Variants in AKAP13 observed in about 807,000 individuals in gnomAD.
AKAP13 encodes A-kinase anchoring protein 13, also known as A-kinase anchor protein 13.
AKAP13 carries 80 observed loss-of-function variants against 264.5 expected under a neutral mutation model. That is an observed-to-expected ratio of 0.30 (90% CI 0.25 to 0.36). The LOEUF (loss-of-function observed/expected upper bound fraction) is 0.36, where lower values mean the gene tolerates loss of function less well. Ranked by LOEUF, AKAP13 falls within the 10% of genes least tolerant of loss-of-function variation. The pLI is 1.00. For missense variants in AKAP13, 3,712 were observed against 3,435.2 expected (o/e 1.08, Z -2.01); for synonymous variants, 1,380 against 1,250.2 (o/e 1.10, Z -2.19).
chr15:85,722,035 G>T lies in AKAP13; in HGVS notation c.6297G>T (p.Lys2099Asn), dbSNP rs1219082277. 9.3e-6 allele frequency: 15 copies of T among 1,614,026 alleles called. No individual in the cohort carries two copies. The highest frequency in any genetic ancestry group is 1.3e-5 in the Non-Finnish European group (15 of 1,179,966). ...NAERLKKTYG[K>N]FCGQHNQSVN... Reference sequence around the variant, plus strand: ...AACGTTTAAAGAAGACATATGGCAAGTTTTGTGGGCAACATAACCAGTCTG... The same window carrying T: ...AACGTTTAAAGAAGACATATGGCAATTTTTGTGGGCAACATAACCAGTCTG... Residue 2099 changes from lysine to asparagine, a missense_variant, in exon 24 of 37, where the codon AAG (lysine) becomes AAT (asparagine). By Grantham distance (94) the Lys-to-Asn change is moderately conservative. Transcript: ENST00000394518.
At chr15:85,638,910 C>G (rs1482190975) in intron 8 of AKAP13, among the ~76,000 whole-genome samples, 1 of 152,098 alleles carries the variant, frequency 6.6e-6, no homozygotes, top group Admixed American at 6.5e-5. Context: ...GCGTGCACCA[C>G]CACCATGCCT....
rs766923904 is a variant in AKAP13 at position 85,581,918 on chromosome 15, G to A, written c.3850G>A (p.Glu1284Lys). 2 of 1,614,204 alleles carry A rather than the reference G, an allele frequency of 1.2e-6. No homozygotes were observed. The highest frequency in any genetic ancestry group is 3.3e-5 in the Admixed American group (2 of 60,022). ...CTGTCACATGTCACTGTCCAGCCCT[G>A]AGTTGGGTCCTCTCACTAAAGGACT... ...EACHMSLSSP[E>K]LGPLTKGLES... is the part of the protein sequence containing the mutation. Residue 1284 changes from glutamate (E) to lysine (K), a missense_variant, in exon 7 of 37, where the codon GAG becomes AAG. This residue lies in a region of AKAP13 where 2,759 missense variants were observed against 2,411.7 expected (regional missense o/e 1.14). Coordinates refer to ENST00000394518, the MANE Select transcript of AKAP13 (RefSeq NM_007200.5).
chr15:85,662,779 C>G (rs187228335), intron 12 of AKAP13, among the ~76,000 whole-genome samples: 10 of 152,290 alleles, frequency 6.6e-5, no homozygotes, highest in Non-Finnish European at 1.2e-4. Flanking sequence ...ATCAAAGAAC[C>G]AAGGCAGCTA....
intron 1 of AKAP13, among the ~76,000 whole-genome samples, chr15:85,407,275 T>A (rs1207049039): frequency 6.7e-6 from 1 of 149,128 alleles, no homozygotes; most frequent in East Asian, 2.0e-4. Flanking sequence ...TCACCCAGGC[T>A]GGAATGCAGT....
At chr15:85,470,998 T>C (rs192584047) in intron 1 of AKAP13, among the ~76,000 whole-genome samples, 131 of 152,342 alleles carry the variant, frequency 8.6e-4, no homozygotes, top group African/African-American at 3.1e-3. Flanking sequence ...TTACCTAGTT[T>C]TATGTACTTT....
At chr15:85,540,807 A>G (rs2077559233) in intron 4 of AKAP13, among the ~76,000 whole-genome samples, 1 of 152,244 alleles carries the variant, frequency 6.6e-6, no homozygotes, top group Non-Finnish European at 1.5e-5. Context: ...TGAGAAATTA[A>G]TGGGAGAATA....
intron 36 of AKAP13, 155 bp from the exon 37 acceptor site, chr15:85,744,473 C>A: frequency 1.3e-6 from 1 of 769,464 alleles, no homozygotes; most frequent in Non-Finnish European, 2.3e-6. Flanking sequence ...CCTTATTAAC[C>A]AAATTTGTTC....
chr15:85,624,223 A>G (rs1449523409), intron 8 of AKAP13, among the ~76,000 whole-genome samples: 1 of 151,644 alleles, frequency 6.6e-6, no homozygotes, highest in Admixed American at 6.6e-5. Flanking sequence ...CTTGTTACTG[A>G]TGATTTATAG....
chr15:85,696,458 A>C (rs1431052222), intron 17 of AKAP13, among the ~76,000 whole-genome samples: 1 of 152,166 alleles, frequency 6.6e-6, no homozygotes, highest in Non-Finnish European at 1.5e-5. Flanking sequence ...ACATTAACTC[A>C]ATTTTTCTTC....
At chr15:85,721,495 G>A (rs2087280634) in intron 23 of AKAP13, among the ~76,000 whole-genome samples, 1 of 152,174 alleles carries the variant, frequency 6.6e-6, no homozygotes, top group Non-Finnish European at 1.5e-5. Flanking sequence ...CACACATTTG[G>A]GAATGATTTA....
chr15:85,696,144 TTA>T lies in AKAP13; in HGVS notation c.5464+2694_5464+2695del, dbSNP rs1469570346. Among the ~76,000 whole-genome samples the T allele has an allele frequency of 3.3e-5, 5 of 152,344 alleles. No homozygotes were observed. The East Asian group carries it at 9.6e-4, about 29-fold the overall frequency. The stretch of plus-strand genomic sequence containing the variant: ...GAATTGCCATTTTCTTGTTTTCTGG[TTA>T]GTTATTAGTATGATTAGTATTGTCT... On this transcript the variant is annotated intron_variant, in intron 17 of 36. Coordinates refer to ENST00000394518, the MANE Select transcript of AKAP13 (RefSeq NM_007200.5).
chr15:85,484,176 A>C (rs779015413), intron 1 of AKAP13, among the ~76,000 whole-genome samples: 2 of 152,182 alleles, frequency 1.3e-5, no homozygotes, highest in Non-Finnish European at 2.9e-5. Context: ...CTTAATTGTA[A>C]ATTAAATGGA....
intron 10 of AKAP13, among the ~76,000 whole-genome samples, chr15:85,650,509 C>G (rs996797382): frequency 2.6e-5 from 4 of 151,678 alleles, no homozygotes; most frequent in Non-Finnish European, 2.9e-5. Context: ...GTGGCTCATG[C>G]CTTTGAGAGG....
chr15:85,662,414 A>C lies in AKAP13; in HGVS notation c.4800-2149A>C, dbSNP rs749392346. ...ATGAGCTGGTGCCCCTCTGGTGTGC[A>C]GTACTCTGCTGGCCTGAGTGCTGAC... On this transcript the variant is annotated intron_variant, in intron 12 of 36. Transcript: ENST00000394518. 4 of 1,614,128 alleles carry C rather than the reference A, an allele frequency of 2.5e-6. No individual in the cohort carries two copies. The Admixed American group carries it at 6.7e-5, about 27-fold the overall frequency.
At chr15:85,423,326 T>C (rs1449276811) in intron 1 of AKAP13, among the ~76,000 whole-genome samples, 1 of 152,224 alleles carries the variant, frequency 6.6e-6, no homozygotes, top group Non-Finnish European at 1.5e-5. Context: ...GAGTCACTCC[T>C]CTCCAACCCT....
intron 15 of AKAP13, among the ~76,000 whole-genome samples, chr15:85,683,885 C>CAT (rs891561359): frequency 6.6e-6 from 1 of 152,208 alleles, no homozygotes; most frequent in African/African-American, 2.4e-5. Context: ...ACTGAATCTA[C>CAT]ATAAAACTCC....
At chr15:85,596,141 A>G (rs1366074104) in intron 8 of AKAP13, among the ~76,000 whole-genome samples, 1 of 152,218 alleles carries the variant, frequency 6.6e-6, no homozygotes, top group African/African-American at 2.4e-5. Context: ...AATGCCTTTC[A>G]TAAAGTTCAG....
chr15:85,698,943 CAAAAAAAAA>C (rs10715702), intron 17 of AKAP13, among the ~76,000 whole-genome samples: 11 of 72,846 alleles, frequency 1.5e-4, no homozygotes, highest in Admixed American at 3.5e-4. Flanking sequence ...GACCTTGTCT[CAAAAAAAAA>C]AAAAAAAAAA....
chr15:85,607,739 C>T (rs1345836719), intron 8 of AKAP13, among the ~76,000 whole-genome samples: 1 of 152,176 alleles, frequency 6.6e-6, no homozygotes, highest in African/African-American at 2.4e-5. Context: ...AGCAAATGTT[C>T]ACAGTGTAAT....
Sources: allele counts gnomAD v4.1 joint callset (sites outside exome capture counted in the v4.1 genomes callset), GRCh38; gene constraint gnomAD v4.1.1; regional missense constraint gnomAD v4.1.1; transcripts MANE v1.5; gene names NCBI Gene and HGNC (gene_info 2026-07-23, HGNC 2026-07-21).